ARPC5L: variants seen among roughly 807,000 people sequenced by gnomAD.
The protein encoded by ARPC5L is actin related protein 2/3 complex subunit 5 like, also known as actin-related protein 2/3 complex subunit 5-like protein.
In ARPC5L, 4 loss-of-function variants were observed where a neutral mutation model predicts 16.9. The ratio of observed to expected loss-of-function variants is 0.24; its 90% CI spans 0.12 to 0.54. ARPC5L has a LOEUF of 0.54. Among genes scored for constraint, ARPC5L ranks in the 20% least tolerant of loss-of-function variants. The pLI is 0.95. For missense variants in ARPC5L, 151 were observed against 201.9 expected, an observed-to-expected ratio of 0.75 and a Z score of 1.53; for synonymous variants, 78 against 82.6, an observed-to-expected ratio of 0.94 and a Z score of 0.30.
chr9:124,873,640 T>G lies in ARPC5L; in HGVS notation c.150-52T>G. Reference sequence around the variant, plus strand: ...GCTGTTTCTGAAGTGAGCTTGTTCATGACGGCATGGATGTGCTTGAGCCTA... The same window carrying G: ...GCTGTTTCTGAAGTGAGCTTGTTCAGGACGGCATGGATGTGCTTGAGCCTA... On this transcript the variant is annotated intron_variant, in intron 3 of 5. Coordinates refer to ENST00000353214, the MANE Select transcript of ARPC5L (RefSeq NM_030978.3). The G allele has an allele frequency of 3.1e-6, 5 of 1,601,486 alleles. No individual in the cohort carries two copies. The South Asian group carries it at 5.5e-5, about 18-fold the overall frequency.
intron 2 of ARPC5L, among the ~76,000 whole-genome samples, chr9:124,864,757 GCCTC>G (rs1413511892): frequency 6.6e-6 from 1 of 152,016 alleles, no homozygotes; most frequent in African/African-American, 2.4e-5. Flanking sequence ...GCCTGCCTCA[GCCTC>G]CCAAAGTGCT....
chr9:124,870,689 GT>G (rs1829344478), intron 3 of ARPC5L, among the ~76,000 whole-genome samples: 1 of 152,230 alleles, frequency 6.6e-6, no homozygotes, highest in Admixed American at 6.5e-5. Context: ...AGGAGGGAAG[GT>G]TGGTTGTAGT....
At chr9:124,875,255 G>A (rs543886228) in intron 5 of ARPC5L, 104 bp downstream of exon 5, 119 of 1,328,354 alleles carry the variant, frequency 9.0e-5, no homozygotes, top group Middle Eastern at 8.0e-4. Context: ...TCTGATAGGC[G>A]TGTGGGGTCA....
At chr9:124,869,629 C>G (rs568569690) in intron 3 of ARPC5L, among the ~76,000 whole-genome samples, 190 bp downstream of exon 3, 1 of 152,292 alleles carries the variant, frequency 6.6e-6, no homozygotes, top group South Asian at 2.1e-4. Flanking sequence ...TCCCTGGGTC[C>G]CTCGTCCCCA....
At chr9:124,876,422 G>A (rs916093665) in intron 5 of ARPC5L, among the ~76,000 whole-genome samples, 2 of 151,830 alleles carry the variant, frequency 1.3e-5, no homozygotes, top group Non-Finnish European at 2.9e-5. Context: ...GGGAGGCAGG[G>A]TTGCAGTGAG....
At chr9:124,874,613 G>T (rs1488644166) in intron 4 of ARPC5L, among the ~76,000 whole-genome samples, 1 of 152,142 alleles carries the variant, frequency 6.6e-6, no homozygotes, top group Non-Finnish European at 1.5e-5. Context: ...TTGAGCCTGG[G>T]AGAGGCTGCA....
intron 4 of ARPC5L, among the ~76,000 whole-genome samples, chr9:124,874,728 A>T (rs189246234): frequency 1.6e-4 from 22 of 135,954 alleles, no homozygotes; most frequent in East Asian, 1.3e-3. Context: ...TCTCTCTCTC[A>T]GAGTTGATAC....
At chr9:124,876,419 A>T (rs116928988) in intron 5 of ARPC5L, among the ~76,000 whole-genome samples, 1 of 151,628 alleles carries the variant, frequency 6.6e-6, no homozygotes, top group Non-Finnish European at 1.5e-5. Flanking sequence ...CTGGGGAGGC[A>T]GGGTTGCAGT....
At chr9:124,870,772 T>A (rs1188629170) in intron 3 of ARPC5L, among the ~76,000 whole-genome samples, 1 of 152,186 alleles carries the variant, frequency 6.6e-6, no homozygotes, top group Non-Finnish European at 1.5e-5. Context: ...GGCCCAGGAC[T>A]CTCATTGAAC....
At position 124,869,230 on chromosome 9, in the gene ARPC5L, C is replaced by G; in HGVS notation, c.-61C>G. 2 of 1,400,074 alleles carry G rather than the reference C, an allele frequency of 1.4e-6. No individual in the cohort carries two copies. The highest frequency in any genetic ancestry group is 1.9e-6 in the Non-Finnish European group (2 of 1,078,552). The allele number at this position is 1,400,074 out of a possible 1,614,324, so 86.7% of individuals were successfully genotyped here. On this transcript the variant is annotated 5_prime_UTR_variant, in exon 3 of 6. Transcript: ENST00000353214. ...GCCCCCGAGCAGGAGCCGGTGCGAG[C>G]GGAGCAGAGCCGAGGTCGGGCCGCG...
chr9:124,862,777 C>T (rs1183793651), intron 1 of ARPC5L, among the ~76,000 whole-genome samples: 1 of 152,118 alleles, frequency 6.6e-6, no homozygotes, highest in East Asian at 1.9e-4. Flanking sequence ...CCCCTCGCCT[C>T]GGCCTCCCAA....
In ARPC5L at chr9:124,864,980, C is replaced by T. The variant is rs528090806; in HGVS notation, c.-864+873C>T. On this transcript the variant is annotated intron_variant, in intron 2 of 5. Transcript: ENST00000353214. ...TCCAAGTAGCTGGGATTACAGGTGC[C>T]GCCATGATGCCTGGCTAATTTTTAT... is the stretch of plus-strand genomic sequence containing the variant. 6.1e-4 allele frequency among the ~76,000 whole-genome samples: 92 copies of T among 152,046 alleles called. 2 individuals are homozygous for T. The South Asian group carries it at 0.012, about 21-fold the overall frequency.
intron 4 of ARPC5L, 62 bp downstream of exon 4, chr9:124,873,826 C>T: frequency 6.3e-7 from 1 of 1,587,334 alleles, no homozygotes; most frequent in Non-Finnish European, 8.6e-7. Flanking sequence ...GGGTGTCTGC[C>T]CAGTGCGAGT....
chr9:124,872,318 G>C (rs1412145086), intron 3 of ARPC5L, among the ~76,000 whole-genome samples: 1 of 152,150 alleles, frequency 6.6e-6, no homozygotes, highest in Non-Finnish European at 1.5e-5. Context: ...ACAAGGGCTG[G>C]GCGCGGTGGC....
At chr9:124,873,658 T>G in intron 3 of ARPC5L, 34 bp from the exon 4 acceptor site, 2 of 1,613,022 alleles carry the variant, frequency 1.2e-6, no homozygotes, top group South Asian at 1.1e-5. Flanking sequence ...TGGATGTGCT[T>G]GAGCCTAGCT....
chr9:124,870,423 G>T (rs916143973), intron 3 of ARPC5L, among the ~76,000 whole-genome samples: 8 of 152,006 alleles, frequency 5.3e-5, no homozygotes, highest in African/African-American at 2.4e-5. Context: ...CACGGGTGGG[G>T]GCAGGGTTGG....
rs1052684477 is a variant in ARPC5L, at chr9:124,877,144, C to T, written c.*204C>T. ...CTGTTTAGGATCTGATAGTCTATGC[C>T]TTTGTCTCCGAGTACTGCAGAACTG... On this transcript the variant is annotated 3_prime_UTR_variant, in exon 6 of 6. Transcript: ENST00000353214. 4 of 570,314 alleles carry T rather than the reference C, an allele frequency of 7.0e-6. No individual in the cohort carries two copies. Among genetic ancestry groups the T allele is most frequent in the Non-Finnish European group, 1.2e-5 (4 of 324,912 alleles). The allele number at this position is 570,314 out of a possible 1,614,324, so 35.3% of individuals were successfully genotyped here.
Position 124,869,405 on chromosome 9 carries a change from C to A in ARPC5L, c.115C>A (p.Pro39Thr). Residue 39 changes from proline to threonine, a missense_variant, in exon 3 of 6, where the codon CCG becomes ACG. By Grantham distance (38) the Pro-to-Thr change is conservative (BLOSUM62 -1). Coordinates refer to ENST00000353214, the MANE Select transcript of ARPC5L (RefSeq NM_030978.3). The stretch of plus-strand genomic sequence containing the variant: ...GGCGGCGGCGGCGGCGGAGCCAGGC[C>A]CGGACCCGAGCGAGGTGGACGGGCT... ...EAAAAAAEPG[P>T]DPSEVDGLLR... 3 of 1,504,260 alleles carry A rather than the reference C, an allele frequency of 2.0e-6. No individual in the cohort carries two copies. The highest frequency in any genetic ancestry group is 1.9e-4 in the Middle Eastern group (1 of 5,158). The allele number at this position is 1,504,260 out of a possible 1,614,324, so 93.2% of individuals were successfully genotyped here. A position where few individuals can be genotyped will look rare whatever the true frequency, so the allele number is the denominator to read the frequency against.
intron 5 of ARPC5L, among the ~76,000 whole-genome samples, chr9:124,876,423 T>C (rs1431566364): frequency 6.6e-6 from 1 of 151,634 alleles, no homozygotes; most frequent in East Asian, 1.9e-4. Context: ...GGAGGCAGGG[T>C]TGCAGTGAGC....
Sources: gnomAD v4.1 joint callset for allele counts (sites outside exome capture counted in the v4.1 genomes callset) on GRCh38, gnomAD v4.1.1 for gene constraint, MANE v1.5 for transcripts, NCBI Gene and HGNC (gene_info 2026-07-23, HGNC 2026-07-21) for gene names.